The following MED12L variants were observed in gnomAD, a reference collection of about 807,000 sequenced individuals.
MED12L encodes the protein mediator complex subunit 12L.
MED12L carries 60 observed loss-of-function variants against 281.3 expected under a neutral mutation model. That is an observed-to-expected ratio of 0.21 (90% CI 0.17 to 0.26). The LOEUF (loss-of-function observed/expected upper bound fraction) is 0.26. MED12L is among the 10% of genes least tolerant of loss of function. The pLI, the probability that MED12L is intolerant of heterozygous loss-of-function variation, is 1.00. For synonymous variants in MED12L, 974 were observed against 987.2 expected (o/e 0.99, Z 0.25); for missense variants, 2,146 against 2,680.9 (o/e 0.80, Z 4.41).
At chr3:151,405,709 T>A (rs11717169) in intron 39 of MED12L, among the ~76,000 whole-genome samples, 10 of 152,094 alleles carry the variant, frequency 6.6e-5, no homozygotes, top group Admixed American at 2.0e-4. Context: ...TTAAAAAATA[T>A]GAAGTTAAAG....
rs1719263510 is a variant in MED12L at position 151,086,706 on chromosome 3, A to C, written c.-129-92A>C. The C allele has an allele frequency of 1.5e-5, 6 of 395,786 alleles. No individual in the cohort carries two copies. In the East Asian group the frequency reaches 2.5e-4, roughly 17 times the overall value. 24.5% of individuals were successfully genotyped at this position (395,786 alleles called of 1,614,324 possible). ...GCGGTGCGTCCCGGGGCTCGAGCGC[A>C]GCCGAGTACCCGCCGAAGGCTGTCC... On this transcript the variant is annotated intron_variant, in intron 1 of 44. Coordinates refer to ENST00000687756, the MANE Select transcript of MED12L (RefSeq NM_001393769.1).
chr3:151,165,287 C>T (rs1432331482), intron 9 of MED12L, 133 bp from the exon 10 acceptor site: 2 of 458,430 alleles, frequency 4.4e-6, no homozygotes, highest in Non-Finnish European at 7.7e-6. Context: ...GGGCCACAGG[C>T]TGCATTTCTT....
chr3:151,431,704 G>A (rs1482339889), intron 44 of MED12L, among the ~76,000 whole-genome samples: 1 of 152,070 alleles, frequency 6.6e-6, no homozygotes, highest in Non-Finnish European at 1.5e-5. Context: ...TTTATAAAGT[G>A]GCATCTGTTT....
chr3:151,401,398 G>A (rs1715663409), intron 39 of MED12L, among the ~76,000 whole-genome samples: 1 of 151,890 alleles, frequency 6.6e-6, no homozygotes, highest in African/African-American at 2.4e-5. Context: ...TTTGAAAGTG[G>A]TGGTGATTCC....
chr3:151,192,639 T>G lies in MED12L; in HGVS notation c.2058T>G (p.Phe686Leu). Residue 686 changes from phenylalanine (F) to leucine (L), a missense_variant, in exon 15 of 45, where the codon TTT becomes TTG. Around this residue, in one of 9 missense-constraint regions of MED12L, gnomAD observed 722 missense variants for 861.2 expected, o/e 0.84. Transcript: ENST00000687756. ...EVDKSDFKTD[F>L]GSEFPIFSPM... ...ACAAGAGTGACTTTAAAACTGACTT[T>G]GGTTCGGAATTTCCAGTAGGTTCAA... The G allele has an allele frequency of 3.9e-6, 6 of 1,535,062 alleles. No individual in the cohort carries two copies. Among genetic ancestry groups the G allele is most frequent in the Non-Finnish European group, 5.2e-6 (6 of 1,145,522 alleles).
intron 16 of MED12L, among the ~76,000 whole-genome samples, chr3:151,263,404 C>A (rs554884790): frequency 2.0e-5 from 3 of 152,190 alleles, no homozygotes; most frequent in Admixed American, 2.0e-4. Flanking sequence ...GTGGTGTTCA[C>A]AATTTGCTAT....
chr3:151,156,061 T>C (rs1023643706), intron 5 of MED12L, 100 bp from the exon 6 acceptor site: 1 of 1,030,542 alleles, frequency 9.7e-7, no homozygotes, highest in Admixed American at 2.7e-5. Context: ...ATGTTTGTTT[T>C]ATCAGTACAC....
At chr3:151,106,196 G>A (rs1331200874) in intron 2 of MED12L, among the ~76,000 whole-genome samples, 2 of 151,464 alleles carry the variant, frequency 1.3e-5, no homozygotes, top group Non-Finnish European at 2.9e-5. Context: ...GTCGGATAAT[G>A]TCACCTTCTG....
chr3:151,310,675 T>C (rs1439284944), intron 16 of MED12L, among the ~76,000 whole-genome samples: 2 of 152,254 alleles, frequency 1.3e-5, no homozygotes, highest in African/African-American at 4.8e-5. Flanking sequence ...CATATGGTTT[T>C]TAATTTCCCA....
At chr3:151,115,700 C>T (rs1225346460) in intron 2 of MED12L, among the ~76,000 whole-genome samples, 1 of 151,852 alleles carries the variant, frequency 6.6e-6, no homozygotes, top group Non-Finnish European at 1.5e-5. Flanking sequence ...GAGATTTTTG[C>T]TCATTTTTTT....
At chr3:151,217,710 A>G (rs1488903495) in intron 16 of MED12L, among the ~76,000 whole-genome samples, 1 of 152,226 alleles carries the variant, frequency 6.6e-6, no homozygotes, top group Admixed American at 6.5e-5. Context: ...TCTTAAAGGA[A>G]CACTCTAAAG....
intron 16 of MED12L, among the ~76,000 whole-genome samples, chr3:151,343,757 GGTTT>G (rs1752184126): frequency 1.8e-5 from 1 of 56,104 alleles, no homozygotes. Context: ...TGGCTTAACT[GGTTT>G]GTTTATTTTA....
At chr3:151,270,871 A>G (rs1411921617) in intron 16 of MED12L, among the ~76,000 whole-genome samples, 2 of 152,210 alleles carry the variant, frequency 1.3e-5, no homozygotes, top group Non-Finnish European at 2.9e-5. Flanking sequence ...TAGAATTCAC[A>G]TTCTCTGTTG....
intron 43 of MED12L, among the ~76,000 whole-genome samples, chr3:151,423,016 A>ATATATAT (rs1553820290): frequency 4.9e-5 from 7 of 141,710 alleles, no homozygotes; most frequent in African/African-American, 7.8e-5. Context: ...AGATCATAAA[A>ATATATAT]ATATATATAT....
At chr3:151,199,072 T>G (rs1213397323) in intron 16 of MED12L, 24 of 1,614,000 alleles carry the variant, frequency 1.5e-5, no homozygotes, top group Non-Finnish European at 1.9e-5. Flanking sequence ...TGACAAATGC[T>G]AAGAAGATAA....
chr3:151,424,924 T>G (rs559228811), intron 43 of MED12L, among the ~76,000 whole-genome samples: 1 of 152,310 alleles, frequency 6.6e-6, no homozygotes, highest in South Asian at 2.1e-4. Context: ...GCTTTGTTCT[T>G]TTGGTAACAA....
At chr3:151,416,096 G>A (rs1315978800) in intron 42 of MED12L, among the ~76,000 whole-genome samples, 2 of 152,188 alleles carry the variant, frequency 1.3e-5, no homozygotes, top group Non-Finnish European at 2.9e-5. Context: ...AGATCCGTAG[G>A]GTTGGGGTGG....
intron 16 of MED12L, chr3:151,328,677 T>C: frequency 6.2e-7 from 1 of 1,613,884 alleles, no homozygotes. Flanking sequence ...CCCACATACA[T>C]GGTCTCATAA....
At chr3:151,230,672 G>A (rs571405626) in intron 16 of MED12L, among the ~76,000 whole-genome samples, 1 of 151,120 alleles carries the variant, frequency 6.6e-6, no homozygotes, top group Non-Finnish European at 1.5e-5. Flanking sequence ...CTCTTTCTAA[G>A]GGCTACTTCC....
Sources: allele counts gnomAD v4.1 joint callset (sites outside exome capture counted in the v4.1 genomes callset), GRCh38; gene constraint gnomAD v4.1.1; regional missense constraint gnomAD v4.1.1; transcripts MANE v1.5; gene names NCBI Gene and HGNC (gene_info 2026-07-23, HGNC 2026-07-21).